The following DLG2 variants were observed in gnomAD, a reference collection of about 807,000 sequenced individuals.
DLG2 encodes the protein disks large homolog 2.
A neutral mutation model predicts 132.5 loss-of-function variants in DLG2; 45 were observed. The observed-to-expected ratio is 0.34, with a 90% confidence interval of 0.27 to 0.44. DLG2 has a LOEUF of 0.44. Ranked by LOEUF, DLG2 falls within the 20% of genes least tolerant of loss-of-function variation. The pLI is 1.00. For missense variants in DLG2, 1,045 were observed against 1,196.9 expected, an observed-to-expected ratio of 0.87 and a Z score of 1.87; for synonymous variants, 424 against 419.6, an observed-to-expected ratio of 1.01 and a Z score of -0.13.
intron 7 of DLG2, among the ~76,000 whole-genome samples, chr11:84,333,343 T>C (rs1316376214): frequency 6.6e-6 from 1 of 152,202 alleles, no homozygotes; most frequent in Non-Finnish European, 1.5e-5. Context: ...AGGTTCTGAC[T>C]AAAATATGTG....
intron 6 of DLG2, among the ~76,000 whole-genome samples, chr11:84,806,138 C>A (rs1378926739): frequency 2.0e-5 from 3 of 151,738 alleles, no homozygotes; most frequent in African/African-American, 7.3e-5. Flanking sequence ...TGAATTAAAA[C>A]AATATATTGA....
Position 85,428,782 on chromosome 11 carries a change from C to T in DLG2, c.41-143417G>A, listed in dbSNP as rs192693092. On this transcript the variant is annotated intron_variant, in intron 3 of 27. Transcript: ENST00000376104. ...AGGCAAGAAATAACTAAGATCAGAGCAGAACTGAAGGAGATAGAGACACAA... is the reference window on the plus strand; with the variant it reads ...AGGCAAGAAATAACTAAGATCAGAGTAGAACTGAAGGAGATAGAGACACAA... Among the ~76,000 whole-genome samples the T allele has an allele frequency of 2.8e-3, 426 of 152,126 alleles. 1 individual carries two copies. The highest frequency in any genetic ancestry group is 8.8e-3 in the African/African-American group (366 of 41,492).
intron 22 of DLG2, among the ~76,000 whole-genome samples, chr11:83,482,951 G>A (rs552705494): frequency 3.1e-4 from 47 of 152,200 alleles, no homozygotes; most frequent in Non-Finnish European, 5.0e-4. Context: ...GGTATTAAGC[G>A]GCAGAGCAAG....
Position 84,744,898 on chromosome 11 carries a change from T to TAA in DLG2, c.358-210169_358-210168dup, listed in dbSNP as rs758776805. Among the ~76,000 whole-genome samples, 164 of 71,796 alleles carry TAA rather than the reference T, an allele frequency of 2.3e-3. 1 individual carries two copies. Among genetic ancestry groups the TAA allele is most frequent in the Non-Finnish European group, 2.1e-3 (72 of 34,306 alleles). 47.1% of individuals were successfully genotyped at this position (71,796 alleles called of 152,430 possible). A position where few individuals can be genotyped will look rare whatever the true frequency, so the allele number is the denominator to read the frequency against. ...GATCCTGAAATTAAAAGTAAAGGTC[T>TAA]AAAAAAAAAAAAAAAAAAAAAGAAA... On this transcript the variant is annotated intron_variant, in intron 6 of 27. Coordinates refer to ENST00000376104, the MANE Select transcript of DLG2 (RefSeq NM_001142699.3).
At chr11:83,729,304 G>A (rs2090568613) in intron 18 of DLG2, among the ~76,000 whole-genome samples, 5 of 152,140 alleles carry the variant, frequency 3.3e-5, no homozygotes. Context: ...AGGAAGGGAA[G>A]TGGACCTTAT....
chr11:85,226,885 A>G (rs1416055248), intron 4 of DLG2, among the ~76,000 whole-genome samples: 1 of 152,172 alleles, frequency 6.6e-6, no homozygotes, highest in East Asian at 1.9e-4. Context: ...GTTATTAACC[A>G]AAGATATTGT....
At chr11:84,443,930 CTCTCT>C (rs148805569) in intron 7 of DLG2, among the ~76,000 whole-genome samples, 1,558 of 150,988 alleles carry the variant, frequency 0.01, 33 homozygotes, top group African/African-American at 0.036. Context: ...TCATTTTTTT[CTCTCT>C]TCTAAGTTTA....
At chr11:85,313,072 C>G (rs1435273061) in intron 3 of DLG2, among the ~76,000 whole-genome samples, 1 of 151,936 alleles carries the variant, frequency 6.6e-6, no homozygotes, top group South Asian at 2.1e-4. Context: ...TGATGTGTGT[C>G]ACATCTAGAC....
intron 4 of DLG2, among the ~76,000 whole-genome samples, chr11:85,279,770 A>T (rs1357349637): frequency 6.6e-6 from 1 of 152,170 alleles, no homozygotes; most frequent in Non-Finnish European, 1.5e-5. Flanking sequence ...TCATAGGTGC[A>T]TTCAAGAACC....
chr11:84,513,439 C>A (rs1437170830), intron 7 of DLG2, among the ~76,000 whole-genome samples: 13 of 151,994 alleles, frequency 8.6e-5, no homozygotes, highest in Admixed American at 8.5e-4. Flanking sequence ...TCAAATTATA[C>A]TACAGGGCTA....
intron 3 of DLG2, among the ~76,000 whole-genome samples, chr11:85,540,636 G>T (rs2075902368): frequency 6.6e-6 from 1 of 152,252 alleles, no homozygotes; most frequent in Non-Finnish European, 1.5e-5. Context: ...CTCTGTCCTT[G>T]TGATAAAGCA....
At chr11:83,488,992 C>T (rs1279691503) in intron 21 of DLG2, among the ~76,000 whole-genome samples, 1 of 151,890 alleles carries the variant, frequency 6.6e-6, no homozygotes, top group Non-Finnish European at 1.5e-5. Context: ...TGTGAATGCA[C>T]GTATACATGT....
chr11:84,322,281 T>C (rs1279329282), intron 7 of DLG2, among the ~76,000 whole-genome samples: 2 of 152,186 alleles, frequency 1.3e-5, no homozygotes, highest in African/African-American at 4.8e-5. Context: ...TAGTGGAACA[T>C]TTAGTATGGA....
intron 6 of DLG2, among the ~76,000 whole-genome samples, chr11:84,797,529 G>A (rs541496082): frequency 6.6e-6 from 1 of 152,078 alleles, no homozygotes. Flanking sequence ...GCATTCTTTA[G>A]TATGTCAGTT....
At position 83,629,360 on chromosome 11, in the gene DLG2, C is replaced by T. The variant is rs1049905977; in HGVS notation, c.1940+3851G>A. Among the ~76,000 whole-genome samples, 8 of 152,134 alleles carry T rather than the reference C, an allele frequency of 5.3e-5. 1 individual carries two copies. The highest frequency in any genetic ancestry group is 1.2e-4 in the Non-Finnish European group (8 of 68,000). ...ACATTCAAAACTCAGAGGTTATTTG[C>T]TTGAACTCTGAAAATCGATACGTTT... On this transcript the variant is annotated intron_variant, in intron 19 of 27. Coordinates refer to ENST00000376104, the MANE Select transcript of DLG2 (RefSeq NM_001142699.3).
chr11:83,881,980 A>G (rs1030860977), intron 15 of DLG2, among the ~76,000 whole-genome samples: 1 of 152,128 alleles, frequency 6.6e-6, no homozygotes, highest in Non-Finnish European at 1.5e-5. Context: ...AAGATCAAAA[A>G]ATATTATAAA....
intron 19 of DLG2, among the ~76,000 whole-genome samples, chr11:83,559,465 G>A (rs1288159334): frequency 6.6e-6 from 1 of 152,156 alleles, no homozygotes; most frequent in Non-Finnish European, 1.5e-5. Flanking sequence ...TGGTGTTAGT[G>A]GAGAAATCAA....
intron 4 of DLG2, among the ~76,000 whole-genome samples, chr11:85,214,692 G>A (rs1380072915): frequency 6.6e-6 from 1 of 152,088 alleles, no homozygotes; most frequent in African/African-American, 2.4e-5. Context: ...CAGGTGATAA[G>A]GCTTAGCTCA....
chr11:84,025,650 C>T (rs879710779), intron 11 of DLG2, among the ~76,000 whole-genome samples: 2 of 152,114 alleles, frequency 1.3e-5, no homozygotes, highest in African/African-American at 2.4e-5. Context: ...TCCAGTCACA[C>T]GCCAGTTTAC....
Sources: gnomAD v4.1 joint callset for allele counts (sites outside exome capture counted in the v4.1 genomes callset) on GRCh38, gnomAD v4.1.1 for gene constraint, MANE v1.5 for transcripts, NCBI Gene and HGNC (gene_info 2026-07-23, HGNC 2026-07-21) for gene names.